TENM3: variants seen among roughly 807,000 people sequenced by gnomAD.
TENM3 encodes the protein teneurin transmembrane protein 3, also known as teneurin-3.
In TENM3, 63 loss-of-function variants were observed where a neutral mutation model predicts 255.1. The ratio of observed to expected loss-of-function variants is 0.25; its 90% CI spans 0.20 to 0.30. The LOEUF is 0.30. Ranked by LOEUF, TENM3 falls within the 10% of genes least tolerant of loss-of-function variation. The pLI is 1.00. For missense variants in TENM3, 2,929 were observed against 3,461.1 expected (o/e 0.85, Z 3.86); for synonymous variants, 1,306 against 1,322.3 (o/e 0.99, Z 0.27).
chr4:182,316,949 T>A lies in TENM3; in HGVS notation c.-75-6997T>A, dbSNP rs146269767. 5.8e-3 allele frequency among the ~76,000 whole-genome samples: 889 copies of A among 152,306 alleles called. 9 individuals carry two copies. The highest frequency in any genetic ancestry group is 0.02 in the African/African-American group (844 of 41,568). On this transcript the variant is annotated intron_variant, in intron 1 of 27. Transcript: ENST00000511685. ...AGCAGGTGTGATCCATGGCACAGCT[T>A]AATTGTTTCTCATCTCTCAGGATTC...
rs1475360913 is a variant in TENM3, at chr4:182,793,889, A to G, written c.7213+4A>G. The G allele has an allele frequency of 1.9e-6, 3 of 1,591,770 alleles. No homozygotes were observed. The African/African-American group carries it at 4.0e-5, about 21-fold the overall frequency. ...GACGTGAAAGATTACATCACAGGTA[A>G]GCATTTTGATTCCTTCCCAAGAGCT... On this transcript the variant is annotated splice_donor_region_variant and intron_variant, in intron 26 of 27. Transcript: ENST00000511685. The surrounding 1 kb of genome is among the most constrained non-coding windows in gnomAD (Gnocchi z 5.7).
chr4:182,331,566 T>G (rs1763756998), intron 2 of TENM3, among the ~76,000 whole-genome samples: 1 of 152,018 alleles, frequency 6.6e-6, no homozygotes, highest in Admixed American at 6.6e-5. Context: ...AATAAATACA[T>G]GTACTGCATT....
intron 6 of TENM3, among the ~76,000 whole-genome samples, chr4:182,666,048 A>G (rs1306155032): frequency 1.3e-5 from 2 of 152,196 alleles, no homozygotes; most frequent in South Asian, 2.1e-4. Context: ...TCACACTTCA[A>G]TGGCGGAAGT....
chr4:182,287,669 A>T (rs528330798), intron 1 of TENM3, among the ~76,000 whole-genome samples: 117 of 150,922 alleles, frequency 7.8e-4, no homozygotes, highest in African/African-American at 2.5e-3. Flanking sequence ...GCTGGAGTGC[A>T]GTGGCGCGAT....
the TENM3 span, among the ~76,000 whole-genome samples, chr4:181,618,178 C>A: frequency 1.3e-5 from 2 of 152,202 alleles, 1 homozygote; most frequent in East Asian, 3.9e-4. Context: ...AGACCATGGC[C>A]CTTATGAGTT....
chr4:181,809,622 G>A, the TENM3 span, among the ~76,000 whole-genome samples: 40 of 152,248 alleles, frequency 2.6e-4, no homozygotes, highest in Admixed American at 9.8e-4. Context: ...AGGTGTGGAA[G>A]GCCGAATGAT....
the TENM3 span, among the ~76,000 whole-genome samples, chr4:181,728,463 A>C: frequency 1.3e-5 from 2 of 152,238 alleles, no homozygotes; most frequent in Non-Finnish European, 2.9e-5. Context: ...TTTTCTGGGA[A>C]AGGGATGGAG....
At chr4:181,522,786 G>T in the TENM3 span, 1 of 805,658 alleles carries the variant, frequency 1.2e-6, no homozygotes. Context: ...ACTGGATCTG[G>T]ATCCTGGTCA....
intron 4 of TENM3, among the ~76,000 whole-genome samples, chr4:182,607,596 A>G (rs1023913407): frequency 2.9e-4 from 44 of 152,336 alleles, no homozygotes; most frequent in African/African-American, 1.0e-3. Context: ...GTTTTATTTA[A>G]GGTATTGAAC....
At chr4:182,250,259 A>G (rs1040061852) in intron 1 of TENM3, among the ~76,000 whole-genome samples, 12 of 151,800 alleles carry the variant, frequency 7.9e-5, no homozygotes, top group Non-Finnish European at 1.3e-4. Context: ...TCACTGTGTT[A>G]GCCAGGATGG....
the TENM3 span, among the ~76,000 whole-genome samples, chr4:182,074,621 CT>C: frequency 6.6e-6 from 1 of 152,112 alleles, no homozygotes; most frequent in Non-Finnish European, 1.5e-5. Flanking sequence ...AAGATGGAAA[CT>C]ACAAGATTAA....
At chr4:182,719,082 G>A (rs1040689281) in intron 13 of TENM3, among the ~76,000 whole-genome samples, 1 of 152,016 alleles carries the variant, frequency 6.6e-6, no homozygotes, top group African/African-American at 2.4e-5. Context: ...TCCCCCGTGG[G>A]CACCTGAGAC....
rs984482137 is a variant in TENM3, at chr4:182,792,117, G to A, written c.5602-157G>A. Among the ~76,000 whole-genome samples the A allele has an allele frequency of 1.2e-4, 19 of 152,142 alleles. No individual in the cohort carries two copies. The highest frequency in any genetic ancestry group is 4.3e-4 in the African/African-American group (18 of 41,432). On this transcript the variant is annotated intron_variant, in intron 25 of 27. Transcript: ENST00000511685. The surrounding 1 kb of genome is among the most constrained non-coding windows in gnomAD (Gnocchi z 6.3). ...ACAATTAAGCATCCAAGCAAATTAGGCAGAGAAACGTTAACAACACGCAAG... is the reference window on the plus strand; with the variant it reads ...ACAATTAAGCATCCAAGCAAATTAGACAGAGAAACGTTAACAACACGCAAG...
At chr4:182,736,679 TGTGA>T (rs1267425315) in intron 16 of TENM3, 125 bp from the exon 17 acceptor site, 14 of 882,726 alleles carry the variant, frequency 1.6e-5, no homozygotes, top group African/African-American at 1.0e-4. Flanking sequence ...ACATTGTCTT[TGTGA>T]GTAAGTAAAC....
intron 1 of TENM3, among the ~76,000 whole-genome samples, chr4:182,164,143 C>T (rs1344021348): frequency 6.6e-6 from 1 of 152,180 alleles, no homozygotes; most frequent in East Asian, 1.9e-4. Context: ...CCAGAGCCAG[C>T]AGGCACCTTC....
chr4:182,585,369 C>T lies in TENM3; in HGVS notation c.512-15555C>T, dbSNP rs78179064. Among the ~76,000 whole-genome samples the T allele has an allele frequency of 6.9e-4, 105 of 152,196 alleles. No individual in the cohort carries two copies. In the East Asian group the frequency reaches 0.016, roughly 23 times the overall value. On this transcript the variant is annotated intron_variant, in intron 3 of 27. Coordinates refer to ENST00000511685, the MANE Select transcript of TENM3 (RefSeq NM_001080477.4). ...GTGTCCCCCAAAATTCAAATGTTGA[C>T]GCTGTAATCCCCTATGTGACTATTG...
At chr4:181,625,299 T>C in the TENM3 span, among the ~76,000 whole-genome samples, 7 of 152,144 alleles carry the variant, frequency 4.6e-5, no homozygotes, top group African/African-American at 1.7e-4. Context: ...ATTCCAGAGA[T>C]TTCTCAACAG....
At chr4:181,951,735 T>C in the TENM3 span, among the ~76,000 whole-genome samples, 1 of 152,218 alleles carries the variant, frequency 6.6e-6, no homozygotes, top group Admixed American at 6.5e-5. Flanking sequence ...ATTTTTCTCA[T>C]CAAACTGGTA....
the TENM3 span, among the ~76,000 whole-genome samples, chr4:181,509,302 T>C: frequency 1.3e-5 from 2 of 152,070 alleles, no homozygotes; most frequent in Non-Finnish European, 2.9e-5. Flanking sequence ...TGGCCTCTGA[T>C]TTGTGGGATG....
Sources: gnomAD v4.1 joint callset for allele counts (sites outside exome capture counted in the v4.1 genomes callset) on GRCh38, gnomAD v4.1.1 for gene constraint, Gnocchi (gnomAD v3.1) non-coding constraint, MANE v1.5 for transcripts, NCBI Gene and HGNC (gene_info 2026-07-23, HGNC 2026-07-21) for gene names.